Variants in PDXK observed in about 807,000 individuals in gnomAD.
PDXK encodes epididymis secretory sperm binding protein Li 1a.
PDXK carries 15 observed loss-of-function variants against 43.2 expected under a neutral mutation model. The observed-to-expected ratio is 0.35, with a 90% CI of 0.23 to 0.53. The LOEUF is 0.53. PDXK is among the 20% of genes least tolerant of loss of function. The pLI, the probability that PDXK is intolerant of heterozygous loss-of-function variation, is 0.92. For missense variants in PDXK, 343 were observed against 417.0 expected, an observed-to-expected ratio of 0.82 and a Z score of 1.54; for synonymous variants, 172 against 165.4, an observed-to-expected ratio of 1.04 and a Z score of -0.31.
chr21:43,750,783 G>GGTGTGT (rs66931044), intron 7 of PDXK, among the ~76,000 whole-genome samples: 2 of 140,634 alleles, frequency 1.4e-5, no homozygotes, highest in African/African-American at 5.3e-5. Flanking sequence ...ATTGTGTGTG[G>GGTGTGT]GTGTGTGTGT....
At chr21:43,731,852 G>A (rs1274923195) in intron 1 of PDXK, among the ~76,000 whole-genome samples, 3 of 152,240 alleles carry the variant, frequency 2.0e-5, no homozygotes, top group African/African-American at 7.2e-5. Context: ...GGGAACACTG[G>A]TGTCGTGGAG....
In PDXK at chr21:43,732,243, T is replaced by C. The variant is rs2083328245; in HGVS notation, c.88-1826T>C. Reference sequence around the variant, plus strand: ...GCATGGTCCGGCACAGAGCGCTGGCTTCCAGCTGAAGGACATGTGTAACAG... The same window carrying C: ...GCATGGTCCGGCACAGAGCGCTGGCCTCCAGCTGAAGGACATGTGTAACAG... On this transcript the variant is annotated intron_variant, in intron 1 of 10. Coordinates refer to ENST00000291565, the MANE Select transcript of PDXK (RefSeq NM_003681.5). The surrounding 1 kb of genome is among the most constrained non-coding windows in gnomAD (Gnocchi z 4.1). 1 of 1,472,302 alleles carries C rather than the reference T, an allele frequency of 6.8e-7. No homozygotes were observed. Among genetic ancestry groups the C allele is most frequent in the Non-Finnish European group, 9.0e-7 (1 of 1,116,688 alleles). 91.2% of individuals were successfully genotyped at this position (1,472,302 alleles called of 1,614,324 possible). A position where few individuals can be genotyped will look rare whatever the true frequency, so the allele number is the denominator to read the frequency against.
chr21:43,737,341 G>A lies in PDXK; in HGVS notation c.142+3218G>A, dbSNP rs113256378. 3.2e-3 allele frequency: 4,313 copies of A among 1,327,568 alleles called. 118 individuals carry two copies. In the African/African-American group the frequency reaches 0.059, roughly 18 times the overall value. The allele number at this position is 1,327,568 out of a possible 1,614,324, so 82.2% of individuals were successfully genotyped here. A position where few individuals can be genotyped will look rare whatever the true frequency, so the allele number is the denominator to read the frequency against. On this transcript the variant is annotated intron_variant, in intron 2 of 10. Transcript: ENST00000291565. The surrounding 1 kb of genome is among the most constrained non-coding windows in gnomAD (Gnocchi z 4.8). ...TGCCCCTTCCCCCGGCCAGGCCCCC[G>A]TTCCTTGAGGCCGTACCACAAGGTG...
At chr21:43,748,896 CT>C in intron 5 of PDXK, 98 bp from the exon 6 acceptor site, 1 of 727,882 alleles carries the variant, frequency 1.4e-6, no homozygotes, top group Non-Finnish European at 2.4e-6. Flanking sequence ...CTTCAGGGGG[CT>C]TTTGGGGGAG....
At chr21:43,740,090 G>A (rs1426919201) in intron 2 of PDXK, among the ~76,000 whole-genome samples, 1 of 152,020 alleles carries the variant, frequency 6.6e-6, no homozygotes. Flanking sequence ...CGTACACTCT[G>A]GTGTCCCGGG....
chr21:43,731,950 G>A (rs1307882136), intron 1 of PDXK, among the ~76,000 whole-genome samples: 1 of 152,250 alleles, frequency 6.6e-6, no homozygotes, highest in Non-Finnish European at 1.5e-5. Flanking sequence ...GGGAAGGCAG[G>A]TGTCTGCCAG....
chr21:43,724,173 G>A (rs987744446), intron 1 of PDXK, among the ~76,000 whole-genome samples: 1 of 152,170 alleles, frequency 6.6e-6, no homozygotes, highest in African/African-American at 2.4e-5. Flanking sequence ...ACCTGAGGGG[G>A]CTTGGCGGAG....
Position 43,734,935 on chromosome 21 carries a change from A to G in PDXK, c.142+812A>G, listed in dbSNP as rs564636937. Among the ~76,000 whole-genome samples the G allele has an allele frequency of 6.6e-6, 1 of 152,302 alleles. No individual in the cohort carries two copies. Among genetic ancestry groups the G allele is most frequent in the Admixed American group, 6.5e-5 (1 of 15,306 alleles). ...CGTCCCAGAAACAGCCTGGCAGAGC[A>G]TCAGTGCGATATGTTGGAGCAGGGA... On this transcript the variant is annotated intron_variant, in intron 2 of 10. Transcript: ENST00000291565. The surrounding 1 kb of genome is among the most constrained non-coding windows in gnomAD (Gnocchi z 5.0).
chr21:43,755,095 C>A (rs2083823334), intron 9 of PDXK, among the ~76,000 whole-genome samples: 1 of 152,208 alleles, frequency 6.6e-6, no homozygotes, highest in South Asian at 2.1e-4. Context: ...GCCAGGCCGC[C>A]CAAGGTCACA....
At chr21:43,748,103 C>T (rs971824660) in intron 5 of PDXK, among the ~76,000 whole-genome samples, 2 of 152,254 alleles carry the variant, frequency 1.3e-5, no homozygotes, top group Non-Finnish European at 2.9e-5. Context: ...AAACTCAGGC[C>T]ACTCAGCCAG....
At chr21:43,727,176 G>A (rs2083263429) in intron 1 of PDXK, among the ~76,000 whole-genome samples, 1 of 152,314 alleles carries the variant, frequency 6.6e-6, no homozygotes, top group South Asian at 2.1e-4. Context: ...TGGCTTGTTG[G>A]CCTTGGTGTC....
intron 1 of PDXK, among the ~76,000 whole-genome samples, chr21:43,730,723 G>A (rs73373282): frequency 0.061 from 9,294 of 152,142 alleles, 562 homozygotes; most frequent in African/African-American, 0.16. Flanking sequence ...GGAGGCTAAG[G>A]GAGGAGAATT....
Position 43,735,995 on chromosome 21 carries a change from C to T in PDXK, c.142+1872C>T, listed in dbSNP as rs9985073. ...TCAAGACGGGGGACTCGGCCTCCTC[C>T]GTGCAGCCCCTCAGCCCCTCTGGGC... On this transcript the variant is annotated intron_variant, in intron 2 of 10. Coordinates refer to ENST00000291565, the MANE Select transcript of PDXK (RefSeq NM_003681.5). This position sits in a 1 kb window ranked among gnomAD's most constrained non-coding sequence, Gnocchi z 5.3. Among the ~76,000 whole-genome samples the T allele has an allele frequency of 0.19, 29,320 of 152,172 alleles. 3,032 individuals are homozygous for T. Among genetic ancestry groups the T allele is most frequent in the African/African-American group, 0.22 (9,324 of 41,508 alleles).
intron 1 of PDXK, among the ~76,000 whole-genome samples, chr21:43,722,592 G>A (rs972539319): frequency 2.0e-5 from 3 of 152,106 alleles, no homozygotes; most frequent in South Asian, 2.1e-4. Flanking sequence ...GGGGCCAGAA[G>A]TCTGAGACCA....
intron 1 of PDXK, chr21:43,719,860 G>A (rs2083192277): frequency 2.0e-6 from 2 of 985,364 alleles, no homozygotes; most frequent in Admixed American, 6.1e-5. Flanking sequence ...GGGCCCCTGT[G>A]CGTGGGGAAG....
In PDXK at chr21:43,759,407, CTCTTT is replaced by C. The variant is rs2083899423; in HGVS notation, c.*3347_*3351del. Reference sequence around the variant, plus strand: ...GTTGAGAGTGTTCTGGCAGCTGGAGCTCTTTTCCTTGTCCTTCCTGCCCTCCGATG... The same window carrying C: ...GTTGAGAGTGTTCTGGCAGCTGGAGCTCCTTGTCCTTCCTGCCCTCCGATG... On this transcript the variant is annotated 3_prime_UTR_variant, in exon 11 of 11. Coordinates refer to ENST00000291565, the MANE Select transcript of PDXK (RefSeq NM_003681.5). The C allele has an allele frequency of 6.5e-6, 1 of 153,892 alleles. No individual in the cohort carries two copies. Among genetic ancestry groups the C allele is most frequent in the Non-Finnish European group, 1.5e-5 (1 of 68,152 alleles). 9.5% of individuals were successfully genotyped at this position (153,892 alleles called of 1,614,324 possible). A position where few individuals can be genotyped will look rare whatever the true frequency, so the allele number is the denominator to read the frequency against.
At chr21:43,745,969 C>A in intron 4 of PDXK, 110 bp from the exon 5 acceptor site, 1 of 875,600 alleles carries the variant, frequency 1.1e-6, no homozygotes, top group Non-Finnish European at 1.9e-6. Context: ...TGCACTCCAG[C>A]CTGGACAACA....
At position 43,761,011 on chromosome 21, in the gene PDXK, G is replaced by T. The variant is rs1364039985; in HGVS notation, c.*4948G>T. On this transcript the variant is annotated 3_prime_UTR_variant, in exon 11 of 11. Coordinates refer to ENST00000291565, the MANE Select transcript of PDXK (RefSeq NM_003681.5). Reference sequence around the variant, plus strand: ...TCATTTGTTTAAAACAGTTTAATGAGTAAGTTTAGATGACTGGTCAATATC... The same window carrying T: ...TCATTTGTTTAAAACAGTTTAATGATTAAGTTTAGATGACTGGTCAATATC... 2.0e-5 allele frequency: 3 copies of T among 152,236 alleles called. No individual in the cohort carries two copies. Among genetic ancestry groups the T allele is most frequent in the Non-Finnish European group, 2.9e-5 (2 of 68,036 alleles). The allele number at this position is 152,236 out of a possible 1,614,324, so 9.4% of individuals were successfully genotyped here. A position where few individuals can be genotyped will look rare whatever the true frequency, so the allele number is the denominator to read the frequency against.
At position 43,719,254 on chromosome 21, in the gene PDXK, T is replaced by C; in HGVS notation, c.-41T>C. The C allele has an allele frequency of 8.2e-7, 1 of 1,219,002 alleles. No homozygotes were observed. Among genetic ancestry groups the C allele is most frequent in the Non-Finnish European group, 1.1e-6 (1 of 926,330 alleles). The allele number at this position is 1,219,002 out of a possible 1,614,324, so 75.5% of individuals were successfully genotyped here. On this transcript the variant is annotated 5_prime_UTR_variant, in exon 1 of 11. Transcript: ENST00000291565. Reference sequence around the variant, plus strand: ...GAGCCCGAGCGAGCGGCGGAGACCGTGCCCCCGCCTCGGCCCCGCGCCGCC... The same window carrying C: ...GAGCCCGAGCGAGCGGCGGAGACCGCGCCCCCGCCTCGGCCCCGCGCCGCC...
Sources: gnomAD v4.1 joint callset for allele counts (sites outside exome capture counted in the v4.1 genomes callset) on GRCh38, gnomAD v4.1.1 for gene constraint, Gnocchi (gnomAD v3.1) non-coding constraint, MANE v1.5 for transcripts, NCBI Gene and HGNC (gene_info 2026-07-23, HGNC 2026-07-21) for gene names.